Variants in CADM2 observed in about 807,000 individuals in gnomAD.
CADM2 encodes immunoglobulin superfamily member 4D.
In CADM2, 12 loss-of-function variants were observed where a neutral mutation model predicts 49.8. The observed-to-expected ratio is 0.24, with a 90% CI of 0.15 to 0.39. The LOEUF is 0.39. CADM2 is among the 10% of genes least tolerant of loss of function. The pLI, the probability that CADM2 is intolerant of heterozygous loss-of-function variation, is 1.00. For synonymous variants in CADM2, 214 were observed against 175.4 expected, an observed-to-expected ratio of 1.22 and a Z score of -1.74; for missense variants, 378 against 492.3, an observed-to-expected ratio of 0.77 and a Z score of 2.20.
At chr3:85,438,379 C>T (rs941294207) in intron 1 of CADM2, among the ~76,000 whole-genome samples, 1 of 150,182 alleles carries the variant, frequency 6.7e-6, no homozygotes, top group Non-Finnish European at 1.5e-5. Context: ...AAAAAAAACA[C>T]GTTTGATACT....
chr3:85,377,927 C>G (rs1289199783), intron 1 of CADM2, among the ~76,000 whole-genome samples: 1 of 151,906 alleles, frequency 6.6e-6, no homozygotes, highest in East Asian at 1.9e-4. Flanking sequence ...AAAGTTTAAA[C>G]AGTTTTTGGC....
chr3:85,007,976 AGAAT>A (rs1268024089), intron 1 of CADM2, among the ~76,000 whole-genome samples: 1 of 152,174 alleles, frequency 6.6e-6, no homozygotes, highest in East Asian at 1.9e-4. Context: ...ATTTGAGAGT[AGAAT>A]TGGATGGTCC....
intron 1 of CADM2, among the ~76,000 whole-genome samples, chr3:85,003,385 T>G (rs1319167971): frequency 2.0e-5 from 3 of 152,124 alleles, no homozygotes; most frequent in Non-Finnish European, 4.4e-5. Flanking sequence ...TAAAAAAATC[T>G]TATATTTTTA....
intron 1 of CADM2, among the ~76,000 whole-genome samples, chr3:85,065,314 T>G (rs2107457385): frequency 6.6e-6 from 1 of 152,242 alleles, no homozygotes; most frequent in South Asian, 2.1e-4. Context: ...AATCAGACTT[T>G]AATTTTAAAA....
chr3:86,068,386 T>A lies in CADM2; in HGVS notation c.*1603T>A, dbSNP rs931005827. On this transcript the variant is annotated 3_prime_UTR_variant, in exon 10 of 10. Transcript: ENST00000383699. ...TAAAGAATAAAACTCCAGTTAGATT[T>A]AAAAAAATCCCATTTACAAGCATTG... 1 of 151,912 alleles carries A rather than the reference T, an allele frequency of 6.6e-6. No individual in the cohort carries two copies. The highest frequency in any genetic ancestry group is 1.5e-5 in the Non-Finnish European group (1 of 67,850). The allele number at this position is 151,912 out of a possible 1,614,324, so 9.4% of individuals were successfully genotyped here. A position where few individuals can be genotyped will look rare whatever the true frequency, so the allele number is the denominator to read the frequency against.
At chr3:85,734,625 C>A (rs1277666813) in intron 2 of CADM2, among the ~76,000 whole-genome samples, 2 of 147,612 alleles carry the variant, frequency 1.4e-5, no homozygotes, top group Admixed American at 1.4e-4. Context: ...ATATACATAA[C>A]TCACCATATC....
chr3:84,970,606 G>A (rs79321553), intron 1 of CADM2, among the ~76,000 whole-genome samples: 2,764 of 151,916 alleles, frequency 0.018, 49 homozygotes, highest in East Asian at 0.079. Flanking sequence ...TGCCAGGTGC[G>A]GAAATCACTC....
intron 1 of CADM2, among the ~76,000 whole-genome samples, chr3:85,193,355 A>G (rs908331183): frequency 8.9e-5 from 8 of 90,306 alleles, no homozygotes; most frequent in African/African-American, 3.1e-4. Context: ...CTAAAAATCT[A>G]TCTAAAAAAT....
chr3:85,681,731 C>T (rs1169483303), intron 1 of CADM2, among the ~76,000 whole-genome samples: 2 of 151,952 alleles, frequency 1.3e-5, no homozygotes, highest in Non-Finnish European at 2.9e-5. Flanking sequence ...TCCTATTAAC[C>T]CATTTAACTT....
intron 1 of CADM2, among the ~76,000 whole-genome samples, chr3:85,493,309 C>G (rs1296569158): frequency 6.6e-6 from 1 of 152,032 alleles, no homozygotes; most frequent in Non-Finnish European, 1.5e-5. Flanking sequence ...CTATTATTCC[C>G]CAATGTGTTC....
chr3:85,892,509 C>A (rs1714592219), intron 5 of CADM2, among the ~76,000 whole-genome samples: 1 of 152,052 alleles, frequency 6.6e-6, no homozygotes, highest in Non-Finnish European at 1.5e-5. Context: ...ATGCTGTTCC[C>A]ATAATAGTGA....
chr3:85,240,178 CTTTA>C (rs2042498495), intron 1 of CADM2, among the ~76,000 whole-genome samples: 1 of 151,194 alleles, frequency 6.6e-6, no homozygotes, highest in African/African-American at 2.4e-5. Context: ...TATGTTGTTG[CTTTA>C]TTTGTTTATA....
intron 1 of CADM2, among the ~76,000 whole-genome samples, chr3:85,218,433 C>A (rs1285290926): frequency 2.0e-5 from 3 of 152,250 alleles, no homozygotes; most frequent in African/African-American, 7.2e-5. Flanking sequence ...CACGTCATAA[C>A]CCCTCAGTGC....
At chr3:85,874,806 G>A (rs966905006) in intron 3 of CADM2, among the ~76,000 whole-genome samples, 4 of 152,108 alleles carry the variant, frequency 2.6e-5, no homozygotes, top group South Asian at 4.1e-4. Flanking sequence ...TTTATTTGTA[G>A]GGGATGGAGA....
intron 1 of CADM2, among the ~76,000 whole-genome samples, chr3:85,610,935 T>G (rs2063665489): frequency 6.6e-6 from 1 of 151,930 alleles, no homozygotes; most frequent in Non-Finnish European, 1.5e-5. Context: ...TATCATATAC[T>G]CCGTTCTCTG....
At chr3:85,010,038 C>CT (rs991910826) in intron 1 of CADM2, among the ~76,000 whole-genome samples, 12 of 151,600 alleles carry the variant, frequency 7.9e-5, no homozygotes, top group African/African-American at 2.4e-4. Flanking sequence ...CTTAGAGTTA[C>CT]TTTTTTTTGC....
chr3:85,954,645 A>G (rs147678049), intron 7 of CADM2, among the ~76,000 whole-genome samples: 3 of 151,364 alleles, frequency 2.0e-5, no homozygotes, highest in African/African-American at 7.2e-5. Context: ...GTCTACCCAA[A>G]GGGGAAATGC....
chr3:85,590,662 CTT>C (rs2063080847), intron 1 of CADM2, among the ~76,000 whole-genome samples: 1 of 151,678 alleles, frequency 6.6e-6, no homozygotes, highest in Non-Finnish European at 1.5e-5. Context: ...AAAGGAAAGG[CTT>C]TGAAAAATAA....
intron 3 of CADM2, among the ~76,000 whole-genome samples, chr3:85,803,166 T>C (rs1164497253): frequency 2.0e-5 from 3 of 152,154 alleles, no homozygotes; most frequent in Non-Finnish European, 4.4e-5. Flanking sequence ...TGATGTCCTC[T>C]AGATTTAAAA....
Sources: allele counts gnomAD v4.1 joint callset (sites outside exome capture counted in the v4.1 genomes callset), GRCh38; gene constraint gnomAD v4.1.1; transcripts MANE v1.5; gene names NCBI Gene and HGNC (gene_info 2026-07-23, HGNC 2026-07-21).